MAP4: variants seen among roughly 807,000 people sequenced by gnomAD.
MAP4 encodes the protein microtubule-associated protein 4.
MAP4 carries 76 observed loss-of-function variants against 170.2 expected under a neutral mutation model. The ratio of observed to expected loss-of-function variants is 0.45; its 90% CI spans 0.37 to 0.54. MAP4 has a LOEUF of 0.54. MAP4 is among the 20% of genes least tolerant of loss of function. The pLI is 0.00. For missense variants in MAP4, 2,506 were observed against 2,748.0 expected, an observed-to-expected ratio of 0.91 and a Z score of 1.97; for synonymous variants, 909 against 994.5, an observed-to-expected ratio of 0.91 and a Z score of 1.62.
chr3:48,025,037 C>T (rs1444189756), intron 1 of MAP4, among the ~76,000 whole-genome samples: 1 of 151,832 alleles, frequency 6.6e-6, no homozygotes, highest in South Asian at 2.1e-4. Context: ...ACTGCAGCCT[C>T]GACCTCCCAG....
chr3:48,060,680 G>A (rs552592610), intron 1 of MAP4, among the ~76,000 whole-genome samples: 8 of 151,840 alleles, frequency 5.3e-5, no homozygotes, highest in South Asian at 4.2e-4. Flanking sequence ...TTGGGAGGCC[G>A]AGGGAGATGG....
At chr3:47,971,304 T>C (rs1397374158) in intron 3 of MAP4, among the ~76,000 whole-genome samples, 1 of 152,234 alleles carries the variant, frequency 6.6e-6, no homozygotes, top group Non-Finnish European at 1.5e-5. Context: ...ATTTACAGCG[T>C]GGCTCCAATA....
intron 1 of MAP4, among the ~76,000 whole-genome samples, chr3:48,050,123 G>C (rs565106943): frequency 6.6e-6 from 1 of 151,656 alleles, no homozygotes; most frequent in South Asian, 2.1e-4. Flanking sequence ...AGCTGGGCGT[G>C]GTGGCACACA....
At chr3:47,964,001 G>A (rs2100073280) in intron 3 of MAP4, among the ~76,000 whole-genome samples, 1 of 152,224 alleles carries the variant, frequency 6.6e-6, no homozygotes, top group South Asian at 2.1e-4. Context: ...GCTCAAGGCA[G>A]ATGCCCACCT....
At chr3:47,967,454 C>A (rs1440681037) in intron 3 of MAP4, among the ~76,000 whole-genome samples, 1 of 152,232 alleles carries the variant, frequency 6.6e-6, no homozygotes, top group African/African-American at 2.4e-5. Flanking sequence ...GAGTTTGAGA[C>A]CAGCCTGGCC....
chr3:48,019,048 C>A (rs2100109254), upstream of MAP4, among the ~76,000 whole-genome samples: 1 of 152,248 alleles, frequency 6.6e-6, no homozygotes, highest in African/African-American at 2.4e-5. Context: ...GATGGTCGAC[C>A]AGTTACTGGC....
At chr3:47,954,291 C>T (rs961372132) in intron 3 of MAP4, among the ~76,000 whole-genome samples, 2 of 152,128 alleles carry the variant, frequency 1.3e-5, no homozygotes, top group Admixed American at 1.3e-4. Flanking sequence ...CCTAAAATAA[C>T]AGAGGCCAAG....
intron 1 of MAP4, among the ~76,000 whole-genome samples, chr3:48,029,146 AAATTAAAT>A (rs1391997156): frequency 6.6e-6 from 1 of 151,766 alleles, no homozygotes. Flanking sequence ...CTCTGTCTCA[AAATTAAAT>A]AAGCCAGGTG....
intron 3 of MAP4, among the ~76,000 whole-genome samples, chr3:47,941,339 T>C (rs1364801125): frequency 1.3e-5 from 2 of 151,654 alleles, no homozygotes; most frequent in African/African-American, 4.8e-5. Flanking sequence ...TGTCAAAATA[T>C]TCCTCCTCCT....
rs890011896 is a variant in MAP4, at chr3:48,061,296, G to A, written c.-20+27477C>T. ...TCTGCTCACTGCAACCTCCCTGCCT[G>A]ATTCTCCTCCCTCAGCCTGCCGAGT... On this transcript the variant is annotated intron_variant, in intron 1 of 18. Coordinates refer to the MAP4 transcript ENST00000360240. Among the ~76,000 whole-genome samples the A allele has an allele frequency of 6.1e-5, 9 of 147,622 alleles. No homozygotes were observed. In the East Asian group the frequency reaches 1.7e-3, roughly 29 times the overall value.
Position 47,911,796 on chromosome 3 carries a change from C to CA in MAP4, c.2624dup (p.Arg876GlufsTer9). 1.3e-6 allele frequency: 2 copies of CA among 1,536,160 alleles called. No individual in the cohort carries two copies. Among genetic ancestry groups the CA allele is most frequent in the Middle Eastern group, 3.3e-4 (2 of 5,990 alleles). On this transcript the variant is annotated frameshift_variant, in exon 9 of 21. Coordinates refer to ENST00000683076, the MANE Select transcript of MAP4 (RefSeq NM_001385682.1). LOFTEE classifies it high-confidence loss of function. The surrounding 1 kb of genome is among the most constrained non-coding windows in gnomAD (Gnocchi z 4.0). ...TACTTTTGCTCTCTTCCTCTACTCTCAGCTTAGACTGAGAACTTATTGCAG... is the reference window on the plus strand; with the variant it reads ...TACTTTTGCTCTCTTCCTCTACTCTCAAGCTTAGACTGAGAACTTATTGCAG...
At chr3:48,011,056 G>A (rs912167481) in intron 1 of MAP4, among the ~76,000 whole-genome samples, 5 of 152,074 alleles carry the variant, frequency 3.3e-5, no homozygotes, top group East Asian at 1.9e-4. Context: ...TGTGGGGCTC[G>A]TGACAAAAAC....
At chr3:47,979,196 G>A (rs982859670) in intron 2 of MAP4, among the ~76,000 whole-genome samples, 1 of 151,170 alleles carries the variant, frequency 6.6e-6, no homozygotes, top group African/African-American at 2.4e-5. Context: ...TTCTATTCCT[G>A]TACATTCCTA....
At chr3:47,953,538 A>C (rs1421077061) in intron 3 of MAP4, among the ~76,000 whole-genome samples, 1 of 152,012 alleles carries the variant, frequency 6.6e-6, no homozygotes, top group African/African-American at 2.4e-5. Flanking sequence ...AATAAATAAA[A>C]CTTTCTTTAA....
chr3:47,872,000 G>A lies in MAP4; in HGVS notation c.5858C>T (p.Ala1953Val), dbSNP rs369799584. 1.3e-5 allele frequency: 21 copies of A among 1,614,084 alleles called. No homozygotes were observed. Among genetic ancestry groups the A allele is most frequent in the African/African-American group, 2.7e-5 (2 of 75,038 alleles). ...RSGSKSTQTV[A>V]KTTTAAAVAS... The stretch of plus-strand genomic sequence containing the variant: ...AACAGCAGCAGCTGTTGTGGTTTTT[G>A]CAACAGTCTGAGTGCTCTTGGACCC... Residue 1953 changes from alanine (A) to valine (V), a missense_variant, in exon 13 of 21, where the codon GCA (alanine) becomes GTA (valine). Ala to Val is a moderately conservative substitution (Grantham distance 64). This residue lies in a region of MAP4 where 487 missense variants were observed against 511.6 expected (regional missense o/e 0.95). Coordinates refer to ENST00000683076, the MANE Select transcript of MAP4 (RefSeq NM_001385682.1).
chr3:48,062,532 C>A (rs2100136307), intron 1 of MAP4, among the ~76,000 whole-genome samples: 1 of 148,140 alleles, frequency 6.8e-6, no homozygotes, highest in African/African-American at 2.5e-5. Flanking sequence ...ACTATGTACC[C>A]CATGACTATG....
intron 3 of MAP4, among the ~76,000 whole-genome samples, chr3:47,971,681 T>C (rs1416397543): frequency 6.6e-6 from 1 of 152,190 alleles, no homozygotes; most frequent in African/African-American, 2.4e-5. Context: ...CACAAATAAT[T>C]TGTAGTTAAG....
intron 3 of MAP4, among the ~76,000 whole-genome samples, chr3:47,930,168 G>A (rs575947103): frequency 1.3e-5 from 2 of 151,164 alleles, no homozygotes; most frequent in East Asian, 2.0e-4. Context: ...AAGACAGGCC[G>A]GGCGCGGTGG....
intron 3 of MAP4, among the ~76,000 whole-genome samples, chr3:47,934,558 TC>T (rs2100051655): frequency 6.6e-6 from 1 of 152,210 alleles, no homozygotes; most frequent in Non-Finnish European, 1.5e-5. Flanking sequence ...CATCTTGGCC[TC>T]CCAAAGTGCT....
Sources: gnomAD v4.1 joint callset for allele counts (sites outside exome capture counted in the v4.1 genomes callset) on GRCh38, gnomAD v4.1.1 for gene constraint, gnomAD v4.1.1 regional missense constraint, Gnocchi (gnomAD v3.1) non-coding constraint, MANE v1.5 for transcripts, NCBI Gene and HGNC (gene_info 2026-07-23, HGNC 2026-07-21) for gene names.